Variants in PNLIPRP3 observed in about 807,000 individuals in gnomAD.
The protein encoded by PNLIPRP3 is pancreatic lipase-related protein 3.
A neutral mutation model predicts 52.8 loss-of-function variants in PNLIPRP3; 58 were observed. The ratio of observed to expected loss-of-function variants is 1.10; its 90% CI spans 0.89 to 1.37. The LOEUF is 1.37. Ranked by LOEUF, PNLIPRP3 falls within the 40% of genes most tolerant of loss-of-function variation. The probability of loss-of-function intolerance (pLI) is 0.00; values close to 1 mark genes in which losing one functional copy is unlikely to be tolerated. For missense variants in PNLIPRP3, 593 were observed against 561.6 expected (o/e 1.06, Z -0.57); for synonymous variants, 192 against 185.0 (o/e 1.04, Z -0.31).
At chr10:116,436,583 A>G in intron 1 of PNLIPRP3, 128 bp from the exon 2 acceptor site, 1 of 987,044 alleles carries the variant, frequency 1.0e-6, no homozygotes, top group African/African-American at 1.6e-5. Context: ...AGGAGAAAAT[A>G]TTTTCAAGCC....
intron 4 of PNLIPRP3, among the ~76,000 whole-genome samples, chr10:116,454,514 A>T (rs754286705): frequency 6.6e-5 from 10 of 152,254 alleles, no homozygotes; most frequent in African/African-American, 1.2e-4. Flanking sequence ...AATAAATCTC[A>T]GAAACTTATT....
intron 7 of PNLIPRP3, among the ~76,000 whole-genome samples, chr10:116,464,315 T>C (rs1294235167): frequency 6.6e-6 from 1 of 152,102 alleles, no homozygotes; most frequent in Non-Finnish European, 1.5e-5. Context: ...TGCACAGGGA[T>C]ATTGTGTCAG....
chr10:116,442,540 G>A (rs908850707), intron 2 of PNLIPRP3, among the ~76,000 whole-genome samples: 1 of 152,110 alleles, frequency 6.6e-6, no homozygotes, highest in Non-Finnish European at 1.5e-5. Flanking sequence ...TTTTCCTCGT[G>A]TTGAATTCGT....
intron 4 of PNLIPRP3, among the ~76,000 whole-genome samples, chr10:116,448,987 G>A (rs1368446649): frequency 3.4e-5 from 5 of 146,238 alleles, no homozygotes; most frequent in Non-Finnish European, 5.9e-5. Flanking sequence ...TTACACTCCA[G>A]CCTTGGCAAT....
intron 4 of PNLIPRP3, among the ~76,000 whole-genome samples, chr10:116,448,462 C>G (rs1845988104): frequency 6.6e-6 from 1 of 151,652 alleles, no homozygotes; most frequent in African/African-American, 2.4e-5. Flanking sequence ...TATATTAACA[C>G]AAAAAATCAA....
Position 116,444,409 on chromosome 10 carries a change from T to C in PNLIPRP3, c.352T>C (p.Cys118Arg). ...GTTGCTACAGCTGGAAGATATAAAT[T>C]GCATTAATTTAGATTGGATCAACGG... ...NVLLQLEDIN[C>R]INLDWINGSR... is the part of the protein sequence containing the mutation. The change falls in exon 4 of 12, where the codon TGC becomes CGC. Residue 118 changes from cysteine to arginine, a missense_variant. Cys to Arg is a radical substitution (Grantham distance 180, BLOSUM62 -3). Coordinates refer to ENST00000369230, the MANE Select transcript of PNLIPRP3 (RefSeq NM_001011709.3). 1.2e-6 allele frequency: 2 copies of C among 1,610,122 alleles called. No homozygotes were observed. Among genetic ancestry groups the C allele is most frequent in the Non-Finnish European group, 1.7e-6 (2 of 1,177,570 alleles).
At chr10:116,466,685 T>G (rs1247258952) in intron 8 of PNLIPRP3, among the ~76,000 whole-genome samples, 2 of 152,222 alleles carry the variant, frequency 1.3e-5, no homozygotes, top group African/African-American at 4.8e-5. Context: ...CTACCAAATC[T>G]GATTTTACTT....
At chr10:116,460,765 A>C (rs1564701627) in intron 5 of PNLIPRP3, among the ~76,000 whole-genome samples, 1 of 152,102 alleles carries the variant, frequency 6.6e-6, no homozygotes, top group Non-Finnish European at 1.5e-5. Context: ...CATTGTCTCA[A>C]CATAGCATTA....
At chr10:116,476,516 G>T in intron 10 of PNLIPRP3, 136 bp from the exon 11 acceptor site, 1 of 624,638 alleles carries the variant, frequency 1.6e-6, no homozygotes, top group Non-Finnish European at 2.6e-6. Context: ...CAATACACAT[G>T]GAAAGAATAA....
chr10:116,455,676 C>A, intron 4 of PNLIPRP3, 46 bp from the exon 5 acceptor site: 1 of 1,354,714 alleles, frequency 7.4e-7, no homozygotes, highest in Non-Finnish European at 1.1e-6. Flanking sequence ...TTAAGCTATT[C>A]CACCGCTGTT....
chr10:116,439,810 T>C (rs2133116150), intron 2 of PNLIPRP3: 6 of 775,500 alleles, frequency 7.7e-6, no homozygotes, highest in Non-Finnish European at 1.4e-5. Context: ...CTTAGCTGGT[T>C]CATAATCCTT....
At position 116,476,706 on chromosome 10, in the gene PNLIPRP3, C is replaced by T. The variant is rs61729315; in HGVS notation, c.1227C>T (p.Asn409=). ...CAAAATTAATCGATGCAGATGTTAA[C>T]GTTGGAAACATTACAAGTGTTCAGT... ...TYTKLIDADV[N]VGNITSVQFI... Residue 409 remains asparagine (N), a synonymous_variant, in exon 11 of 12, where the codon AAC becomes AAT. Transcript: ENST00000369230. 28,185 of 1,602,750 alleles carry T rather than the reference C, an allele frequency of 0.018. 718 individuals carry two copies. The highest frequency in any genetic ancestry group is 0.087 in the Admixed American group (4,921 of 56,836).
intron 5 of PNLIPRP3, among the ~76,000 whole-genome samples, chr10:116,457,628 G>A (rs1461992090): frequency 2.0e-5 from 3 of 152,054 alleles, no homozygotes; most frequent in Non-Finnish European, 1.5e-5. Flanking sequence ...AAGTCATTAT[G>A]TGACCCTTTG....
intron 5 of PNLIPRP3, among the ~76,000 whole-genome samples, chr10:116,457,445 A>G (rs1176676592): frequency 1.3e-5 from 2 of 152,206 alleles, no homozygotes; most frequent in African/African-American, 4.8e-5. Context: ...AAAAATACCT[A>G]GAAGTCCAAA....
intron 2 of PNLIPRP3, among the ~76,000 whole-genome samples, chr10:116,440,756 C>T (rs1845846148): frequency 6.6e-6 from 1 of 152,208 alleles, no homozygotes; most frequent in Non-Finnish European, 1.5e-5. Flanking sequence ...GAATCCATGA[C>T]ACCTTAACCT....
At chr10:116,465,024 C>T (rs183237207) in intron 7 of PNLIPRP3, among the ~76,000 whole-genome samples, 3 of 152,304 alleles carry the variant, frequency 2.0e-5, no homozygotes, top group East Asian at 1.9e-4. Context: ...ACACAGACAA[C>T]TGAAGAGTGA....
chr10:116,453,923 C>T (rs965134080), intron 4 of PNLIPRP3, among the ~76,000 whole-genome samples: 1 of 152,044 alleles, frequency 6.6e-6, no homozygotes, highest in Non-Finnish European at 1.5e-5. Context: ...TGTCTTAATG[C>T]TCTCCCTCCC....
At chr10:116,430,768 C>A (rs1845699676) in intron 1 of PNLIPRP3, among the ~76,000 whole-genome samples, 2 of 152,188 alleles carry the variant, frequency 1.3e-5, no homozygotes, top group South Asian at 4.1e-4. Context: ...AGCTTACATT[C>A]ATTTGTATTA....
intron 1 of PNLIPRP3, among the ~76,000 whole-genome samples, chr10:116,432,348 T>A (rs1589973689): frequency 1.3e-5 from 2 of 152,204 alleles, no homozygotes; most frequent in East Asian, 3.8e-4. Context: ...TCTTAACCAA[T>A]TAACACTAGC....
Sources: allele counts gnomAD v4.1 joint callset (sites outside exome capture counted in the v4.1 genomes callset), GRCh38; gene constraint gnomAD v4.1.1; transcripts MANE v1.5; gene names NCBI Gene and HGNC (gene_info 2026-07-23, HGNC 2026-07-21).